NAALADL2: variants seen among roughly 807,000 people sequenced by gnomAD.
NAALADL2 encodes N-acetylated alpha-linked acidic dipeptidase like 2, also known as inactive N-acetylated-alpha-linked acidic dipeptidase-like protein 2.
A neutral mutation model predicts 87.2 loss-of-function variants in NAALADL2; 76 were observed. The observed-to-expected ratio is 0.87, with a 90% CI of 0.72 to 1.05. The LOEUF is 1.05. NAALADL2 is among the 50% of genes least tolerant of loss of function. The probability of loss-of-function intolerance (pLI) is 0.00; values close to 1 mark genes in which losing one functional copy is unlikely to be tolerated. For synonymous variants in NAALADL2, 354 were observed against 331.0 expected, an observed-to-expected ratio of 1.07 and a Z score of -0.75; for missense variants, 1,089 against 945.8, an observed-to-expected ratio of 1.15 and a Z score of -1.99.
intron 10 of NAALADL2, among the ~76,000 whole-genome samples, chr3:175,602,888 A>G (rs1271390753): frequency 6.6e-6 from 1 of 152,170 alleles, no homozygotes; most frequent in Non-Finnish European, 1.5e-5. Flanking sequence ...TATATTTACC[A>G]AGATTCATCT....
intron 1 of NAALADL2, among the ~76,000 whole-genome samples, chr3:175,083,530 AT>A (rs1332745201): frequency 6.6e-6 from 1 of 152,204 alleles, no homozygotes; most frequent in Non-Finnish European, 1.5e-5. Flanking sequence ...AGTTTTACCT[AT>A]GAAGAACAGT....
intron 2 of NAALADL2, among the ~76,000 whole-genome samples, chr3:175,196,879 T>C (rs1048764990): frequency 6.6e-6 from 1 of 151,964 alleles, no homozygotes; most frequent in Non-Finnish European, 1.5e-5. Flanking sequence ...GCTTTTTTTG[T>C]GTGTAATGTC....
chr3:175,274,396 C>T (rs573886615), intron 4 of NAALADL2, among the ~76,000 whole-genome samples: 1 of 152,316 alleles, frequency 6.6e-6, no homozygotes, highest in South Asian at 2.1e-4. Context: ...AACTACCTGA[C>T]AGTAAAATAA....
chr3:174,491,786 A>C (rs1360659419), intron 1 of NAALADL2, among the ~76,000 whole-genome samples: 1 of 152,202 alleles, frequency 6.6e-6, no homozygotes. Flanking sequence ...ATCATTGTCT[A>C]TCAACGTTTT....
intron 1 of NAALADL2, among the ~76,000 whole-genome samples, chr3:174,489,848 A>G (rs1231101827): frequency 6.6e-6 from 1 of 152,086 alleles, no homozygotes; most frequent in Non-Finnish European, 1.5e-5. Flanking sequence ...CCTTATATGT[A>G]GCAAGTATCG....
At chr3:175,484,849 T>C (rs1021697997) in intron 9 of NAALADL2, among the ~76,000 whole-genome samples, 4 of 152,152 alleles carry the variant, frequency 2.6e-5, no homozygotes, top group Admixed American at 2.0e-4. Context: ...AGCTTGACTA[T>C]GTGTTTCTCT....
chr3:174,456,519 A>G (rs773154365), intron 1 of NAALADL2, among the ~76,000 whole-genome samples: 4 of 151,998 alleles, frequency 2.6e-5, no homozygotes, highest in Admixed American at 2.6e-4. Context: ...ACAAACCCAG[A>G]CACATAGACT....
chr3:174,996,354 G>A (rs1747456783), intron 1 of NAALADL2, among the ~76,000 whole-genome samples: 4 of 151,980 alleles, frequency 2.6e-5, no homozygotes, highest in Non-Finnish European at 5.9e-5. Context: ...AAAATTAGCT[G>A]GGCGTGGTGG....
chr3:174,541,739 G>A (rs1246191757), intron 1 of NAALADL2, among the ~76,000 whole-genome samples: 1 of 152,096 alleles, frequency 6.6e-6, no homozygotes, highest in East Asian at 1.9e-4. Flanking sequence ...AATAAAATAG[G>A]CAATGATTAG....
intron 2 of NAALADL2, among the ~76,000 whole-genome samples, chr3:175,178,719 A>G (rs971033400): frequency 2.0e-5 from 3 of 152,190 alleles, no homozygotes; most frequent in South Asian, 2.1e-4. Flanking sequence ...CTGCATTTCT[A>G]TAAAGTTTCA....
chr3:174,737,361 G>A (rs999483632), intron 2 of NAALADL2, among the ~76,000 whole-genome samples: 7 of 152,200 alleles, frequency 4.6e-5, no homozygotes, highest in African/African-American at 1.2e-4. Context: ...TATGCTTGCC[G>A]AATTGATTGA....
chr3:175,279,639 A>C (rs2110071832), intron 4 of NAALADL2, among the ~76,000 whole-genome samples: 1 of 152,122 alleles, frequency 6.6e-6, no homozygotes, highest in Non-Finnish European at 1.5e-5. Context: ...TTATGGCAGT[A>C]GATATTACAT....
intron 3 of NAALADL2, among the ~76,000 whole-genome samples, chr3:174,841,853 T>A (rs1199505847): frequency 2.0e-5 from 3 of 152,170 alleles, no homozygotes; most frequent in African/African-American, 7.2e-5. Context: ...TATGCTTGCA[T>A]CAGGCAGTTA....
chr3:174,550,037 A>G (rs544654017), intron 1 of NAALADL2, among the ~76,000 whole-genome samples: 1 of 152,234 alleles, frequency 6.6e-6, no homozygotes, highest in East Asian at 1.9e-4. Flanking sequence ...TTGAGATCAT[A>G]TTGTTTTATT....
chr3:175,639,318 C>CT (rs756214274), intron 11 of NAALADL2, among the ~76,000 whole-genome samples: 1,570 of 108,690 alleles, frequency 0.014, 67 homozygotes, highest in East Asian at 0.094. Context: ...AAGCGTTATT[C>CT]TTTTTTTTTT....
chr3:174,936,527 G>T (rs192569359), intron 1 of NAALADL2, among the ~76,000 whole-genome samples: 5 of 151,960 alleles, frequency 3.3e-5, no homozygotes, highest in African/African-American at 1.2e-4. Context: ...ACTAAAGGTC[G>T]CTTGATAAAA....
chr3:175,675,158 T>G (rs1582858565), intron 11 of NAALADL2: 1 of 152,214 alleles, frequency 6.6e-6, no homozygotes. Flanking sequence ...TGGCTGTTGG[T>G]TCACACCATG....
chr3:174,466,273 ATTTTTTT>A (rs1326538046), intron 1 of NAALADL2, among the ~76,000 whole-genome samples: 1 of 137,648 alleles, frequency 7.3e-6, no homozygotes, highest in Non-Finnish European at 1.6e-5. Flanking sequence ...ACATTATGAG[ATTTTTTT>A]TTTTTTTTTT....
chr3:175,507,501 C>T (rs892129818), intron 9 of NAALADL2, among the ~76,000 whole-genome samples: 7 of 151,892 alleles, frequency 4.6e-5, no homozygotes, highest in East Asian at 1.9e-4. Flanking sequence ...CGGCTCACTG[C>T]AGCCCCCGCC....
Sources: gnomAD v4.1 joint callset for allele counts (sites outside exome capture counted in the v4.1 genomes callset) on GRCh38, gnomAD v4.1.1 for gene constraint, MANE v1.5 for transcripts, NCBI Gene and HGNC (gene_info 2026-07-23, HGNC 2026-07-21) for gene names.